Variants in TUBD1 observed in about 807,000 individuals in gnomAD.
The protein encoded by TUBD1 is tubulin delta chain.
A neutral mutation model predicts 51.2 loss-of-function variants in TUBD1; 38 were observed. That is an observed-to-expected ratio of 0.74 (90% CI 0.57 to 0.97). The LOEUF (loss-of-function observed/expected upper bound fraction) is 0.97, where lower values mean the gene tolerates loss of function less well. TUBD1 is among the 50% of genes least tolerant of loss of function. TUBD1 has a pLI of 0.00. For missense variants in TUBD1, 489 were observed against 538.4 expected, an observed-to-expected ratio of 0.91 and a Z score of 0.91; for synonymous variants, 169 against 178.2, an observed-to-expected ratio of 0.95 and a Z score of 0.41.
At chr17:59,860,468 G>A in intron 8 of TUBD1, 44 bp from the exon 9 acceptor site, 3 of 1,311,296 alleles carry the variant, frequency 2.3e-6, no homozygotes, top group Non-Finnish European at 3.2e-6. Flanking sequence ...AATAAAAAAT[G>A]TCTGGCAAAT....
At position 59,860,301 on chromosome 17, in the gene TUBD1, T is replaced by C. The variant is rs1479651371; in HGVS notation, c.*21A>G. 1 of 1,513,646 alleles carries C rather than the reference T, an allele frequency of 6.6e-7. No individual in the cohort carries two copies. Among genetic ancestry groups the C allele is most frequent in the Non-Finnish European group, 9.1e-7 (1 of 1,097,408 alleles). 93.8% of individuals were successfully genotyped at this position (1,513,646 alleles called of 1,614,324 possible). On this transcript the variant is annotated 3_prime_UTR_variant, in exon 9 of 9. Coordinates refer to ENST00000325752, the MANE Select transcript of TUBD1 (RefSeq NM_016261.4). ...TTTAGTCCAGAAATGCCTTAAGGTA[T>C]ACTTTTCCCATTGTTCAAGATCAGA...
At chr17:59,878,923 A>T (rs1418389064) in intron 4 of TUBD1, among the ~76,000 whole-genome samples, 1 of 152,158 alleles carries the variant, frequency 6.6e-6, no homozygotes, top group Non-Finnish European at 1.5e-5. Context: ...TCCTATAGTG[A>T]CTTGTCTCAC....
chr17:59,882,598 A>C (rs1196101668), intron 3 of TUBD1, among the ~76,000 whole-genome samples: 2 of 151,206 alleles, frequency 1.3e-5, no homozygotes, highest in Non-Finnish European at 3.0e-5. Flanking sequence ...CCCCCATCCC[A>C]CATCTTTTTT....
chr17:59,886,495 T>C (rs907838759), intron 2 of TUBD1: 1 of 314,854 alleles, frequency 3.2e-6, no homozygotes, highest in Non-Finnish European at 5.8e-6. Flanking sequence ...GCCGGCGTGG[T>C]GGCATGTGCC....
At chr17:59,891,217 G>T (rs1265438307) in intron 1 of TUBD1, among the ~76,000 whole-genome samples, 176 bp from the exon 2 acceptor site, 1 of 151,998 alleles carries the variant, frequency 6.6e-6, no homozygotes, top group Non-Finnish European at 1.5e-5. Context: ...TGCAACCTCC[G>T]CCTCCCAGGT....
intron 8 of TUBD1, among the ~76,000 whole-genome samples, chr17:59,863,107 T>A (rs1425231908): frequency 1.3e-5 from 2 of 152,160 alleles, no homozygotes; most frequent in African/African-American, 4.8e-5. Context: ...TTACTGAGCA[T>A]TTACTAGCCA....
Position 59,881,113 on chromosome 17 carries a change from A to G in TUBD1, c.321-3T>C, listed in dbSNP as rs1039341404. On this transcript the variant is annotated splice_polypyrimidine_tract_variant and splice_region_variant and intron_variant, in intron 3 of 8. Coordinates refer to ENST00000325752, the MANE Select transcript of TUBD1 (RefSeq NM_016261.4). ...GCCTGGGTCCATGAACAGAGTAACT[A>G]TGCAATGGCAAAAGAAACAAACACA... The G allele has an allele frequency of 6.2e-7, 1 of 1,605,224 alleles. No individual in the cohort carries two copies. The highest frequency in any genetic ancestry group is 1.7e-4 in the Middle Eastern group (1 of 6,052).
intron 4 of TUBD1, 117 bp from the exon 5 acceptor site, chr17:59,878,451 G>T: frequency 1.5e-6 from 1 of 666,762 alleles, no homozygotes; most frequent in Non-Finnish European, 2.6e-6. Context: ...CTAGCCGTAT[G>T]ACCTTGGACA....
At chr17:59,866,498 A>C in intron 7 of TUBD1, 111 bp downstream of exon 7, 1 of 1,404,190 alleles carries the variant, frequency 7.1e-7, no homozygotes, top group Non-Finnish European at 9.6e-7. Flanking sequence ...TAAAACACAC[A>C]GTTATTACTT....
chr17:59,862,953 T>G (rs1238952003), intron 8 of TUBD1, among the ~76,000 whole-genome samples: 1 of 152,032 alleles, frequency 6.6e-6, no homozygotes, highest in Non-Finnish European at 1.5e-5. Flanking sequence ...CTTGAAATCC[T>G]GACCTCAGCT....
intron 4 of TUBD1, 102 bp from the exon 5 acceptor site, chr17:59,878,436 A>C (rs1598546248): frequency 1.3e-6 from 1 of 778,438 alleles, no homozygotes; most frequent in East Asian, 2.6e-5. Context: ...GGGCTCTGTC[A>C]CTTTCTAGCC....
intron 3 of TUBD1, 127 bp from the exon 4 acceptor site, chr17:59,881,237 A>C (rs113756276): frequency 6.8e-6 from 5 of 737,332 alleles, no homozygotes; most frequent in African/African-American, 3.5e-5. Flanking sequence ...CTCTCATGAA[A>C]GGTACAGGTA....
chr17:59,866,550 T>C (rs750142509), intron 7 of TUBD1, 59 bp downstream of exon 7: 7 of 1,588,454 alleles, frequency 4.4e-6, no homozygotes, highest in Non-Finnish European at 6.0e-6. Flanking sequence ...AAACCATTTG[T>C]ACCATATAGC....
Position 59,886,111 on chromosome 17 carries a change from G to A in TUBD1, c.292C>T (p.Gln98Ter). The change falls in exon 3 of 9, where the codon CAA (glutamine) becomes TAA (stop). Residue 98 changes from glutamine to a stop codon, truncating the protein, a stop_gained. Coordinates refer to ENST00000325752, the MANE Select transcript of TUBD1 (RefSeq NM_016261.4). LOFTEE classifies it high-confidence loss of function. ...TATGCCCAGTTGTTTCCAGAACCTT[G>A]TTTTTGACAGAAGCATGCATGTTGA... ...YGQHACFCQKQGSGNNWAYGY... is the reference protein window; with the variant it reads ...YGQHACFCQK 1 of 1,613,984 alleles carries A rather than the reference G, an allele frequency of 6.2e-7. No homozygotes were observed. The highest frequency in any genetic ancestry group is 8.5e-7 in the Non-Finnish European group (1 of 1,180,002).
At chr17:59,861,599 G>T (rs1044670878) in intron 8 of TUBD1, among the ~76,000 whole-genome samples, 1 of 152,120 alleles carries the variant, frequency 6.6e-6, no homozygotes, top group African/African-American at 2.4e-5. Context: ...ACCATTTAAC[G>T]AGAGTAGGAA....
rs139839144 is a variant in TUBD1 at position 59,865,849 on chromosome 17, G to A, written c.1075+760C>T. ...AGCCTAGCTGGGCGCAGTGGCTCAC[G>A]CCTGTAATCCCAACACTTTGGGAGG... On this transcript the variant is annotated intron_variant, in intron 7 of 8. Coordinates refer to ENST00000325752, the MANE Select transcript of TUBD1 (RefSeq NM_016261.4). Among the ~76,000 whole-genome samples, 578 of 152,108 alleles carry A rather than the reference G, an allele frequency of 3.8e-3. 19 individuals are homozygous for A. Among genetic ancestry groups the A allele is most frequent in the Admixed American group, 0.035 (537 of 15,268 alleles).
intron 3 of TUBD1, chr17:59,885,038 C>G (rs2040655881): frequency 3.0e-6 from 1 of 330,804 alleles, no homozygotes; most frequent in South Asian, 2.7e-5. Context: ...GGGCCAGGGT[C>G]CTGGGAGTCC....
intron 8 of TUBD1, 25 bp downstream of exon 8, chr17:59,863,639 G>T (rs2039566758): frequency 6.9e-7 from 1 of 1,455,760 alleles, no homozygotes. Flanking sequence ...AAAAAGAAAG[G>T]TTTGTAGACT....
chr17:59,870,158 C>T (rs2039910916), intron 6 of TUBD1, among the ~76,000 whole-genome samples: 2 of 151,790 alleles, frequency 1.3e-5, no homozygotes, highest in Non-Finnish European at 2.9e-5. Flanking sequence ...GTCAGGAGTT[C>T]AAGACCAGCC....
Sources: allele counts gnomAD v4.1 joint callset (sites outside exome capture counted in the v4.1 genomes callset), GRCh38; gene constraint gnomAD v4.1.1; transcripts MANE v1.5; gene names NCBI Gene and HGNC (gene_info 2026-07-23, HGNC 2026-07-21).